Variants in PRKG1 observed in about 807,000 individuals in gnomAD.
The protein encoded by PRKG1 is protein kinase cGMP-dependent 1.
In PRKG1, 35 loss-of-function variants were observed where a neutral mutation model predicts 88.1. The ratio of observed to expected loss-of-function variants is 0.40; its 90% CI spans 0.30 to 0.53. The LOEUF (loss-of-function observed/expected upper bound fraction) is 0.53. PRKG1 is among the 20% of genes least tolerant of loss of function. The probability of loss-of-function intolerance (pLI) is 0.59; values close to 1 mark genes in which losing one functional copy is unlikely to be tolerated. For missense variants in PRKG1, 540 were observed against 839.8 expected (o/e 0.64, Z 4.41); for synonymous variants, 303 against 292.5 (o/e 1.04, Z -0.37).
At chr10:51,436,718 C>G (rs1838942700) in intron 2 of PRKG1, among the ~76,000 whole-genome samples, 1 of 152,098 alleles carries the variant, frequency 6.6e-6, no homozygotes, top group Non-Finnish European at 1.5e-5. Flanking sequence ...ATTTGGCTTG[C>G]TGGAATCTCA....
intron 3 of PRKG1, among the ~76,000 whole-genome samples, chr10:51,502,896 C>T (rs920974776): frequency 6.6e-6 from 1 of 152,130 alleles, no homozygotes; most frequent in Non-Finnish European, 1.5e-5. Flanking sequence ...TATAAATCAG[C>T]TGTAAGGCTA....
intron 3 of PRKG1, among the ~76,000 whole-genome samples, chr10:51,712,999 A>C (rs1357097154): frequency 6.6e-6 from 1 of 152,124 alleles, no homozygotes. Flanking sequence ...TGGATGAGAA[A>C]ACTGAGGCAC....
chr10:51,680,673 A>C (rs547319071), intron 3 of PRKG1, among the ~76,000 whole-genome samples: 7 of 152,356 alleles, frequency 4.6e-5, no homozygotes, highest in African/African-American at 1.7e-4. Flanking sequence ...GTGTTCCTAT[A>C]GTACTATGGT....
At chr10:51,801,693 C>CT (rs1839178089) in intron 3 of PRKG1, among the ~76,000 whole-genome samples, 1 of 152,072 alleles carries the variant, frequency 6.6e-6, no homozygotes, top group Non-Finnish European at 1.5e-5. Context: ...TTTGTGGTCT[C>CT]TTAGTCTAGC....
rs534678229 is a variant in PRKG1 at position 51,529,223 on chromosome 10, G to A, written c.592+61387G>A. On this transcript the variant is annotated intron_variant, in intron 3 of 17. Coordinates refer to ENST00000373980, the MANE Select transcript of PRKG1 (RefSeq NM_006258.4). The stretch of plus-strand genomic sequence containing the variant: ...TCTATCCCAAATCCAGCTACAATTC[G>A]TCACCTCCATGATACCAACCTATTC... Among the ~76,000 whole-genome samples, 32 of 151,852 alleles carry A rather than the reference G, an allele frequency of 2.1e-4. No homozygotes were observed. The South Asian group carries it at 4.6e-3, about 22-fold the overall frequency.
intron 1 of PRKG1, among the ~76,000 whole-genome samples, chr10:51,095,900 T>C (rs192542711): frequency 3.8e-4 from 58 of 152,264 alleles, no homozygotes; most frequent in African/African-American, 1.3e-3. Flanking sequence ...TTGAGGACTT[T>C]TGGCAGGCTA....
intron 2 of PRKG1, among the ~76,000 whole-genome samples, chr10:51,333,944 A>G (rs1252127294): frequency 2.6e-5 from 4 of 152,202 alleles, no homozygotes; most frequent in Non-Finnish European, 4.4e-5. Flanking sequence ...GCTTAAATTC[A>G]TTTTTAACAA....
chr10:51,000,715 G>T (rs140816594), intron 1 of PRKG1, among the ~76,000 whole-genome samples: 1 of 152,084 alleles, frequency 6.6e-6, no homozygotes, highest in Admixed American at 6.6e-5. Flanking sequence ...TGTTGCTGAG[G>T]GTAAGGCTAA....
intron 9 of PRKG1, among the ~76,000 whole-genome samples, chr10:52,243,931 C>T (rs547165850): frequency 2.4e-4 from 37 of 152,126 alleles, no homozygotes; most frequent in African/African-American, 7.7e-4. Flanking sequence ...CTAGAGTGCT[C>T]AAAGAAAAGT....
chr10:51,196,289 A>G (rs1034174508), intron 2 of PRKG1, among the ~76,000 whole-genome samples: 15 of 152,220 alleles, frequency 9.9e-5, no homozygotes, highest in African/African-American at 3.4e-4. Flanking sequence ...GAAGAATTGC[A>G]TGTATTTGAA....
At chr10:51,844,174 G>A (rs539961579) in intron 4 of PRKG1, among the ~76,000 whole-genome samples, 1 of 152,246 alleles carries the variant, frequency 6.6e-6, no homozygotes, top group East Asian at 1.9e-4. Flanking sequence ...AAGATTTTCT[G>A]TCAATGCTGA....
intron 2 of PRKG1, among the ~76,000 whole-genome samples, chr10:51,372,313 C>G (rs1025845255): frequency 6.6e-6 from 1 of 152,054 alleles, no homozygotes; most frequent in Non-Finnish European, 1.5e-5. Context: ...TTCTAAATTT[C>G]CTTTTTAAAT....
At chr10:51,722,245 C>A (rs549363109) in intron 3 of PRKG1, among the ~76,000 whole-genome samples, 271 of 151,316 alleles carry the variant, frequency 1.8e-3, no homozygotes, top group African/African-American at 6.2e-3. Context: ...AAAAAAACAA[C>A]AACATAGTTT....
At chr10:52,071,879 C>A (rs1234516143) in intron 7 of PRKG1, among the ~76,000 whole-genome samples, 1 of 152,154 alleles carries the variant, frequency 6.6e-6, no homozygotes, top group Non-Finnish European at 1.5e-5. Flanking sequence ...TTCAGTTCTT[C>A]CAGTTACAAG....
intron 5 of PRKG1, among the ~76,000 whole-genome samples, chr10:51,981,939 T>G (rs2133110702): frequency 6.6e-6 from 1 of 152,314 alleles, no homozygotes; most frequent in African/African-American, 2.4e-5. Context: ...CCTGTCTCCT[T>G]CAGGGACACC....
At chr10:51,871,652 G>T (rs1841161697) in intron 4 of PRKG1, among the ~76,000 whole-genome samples, 1 of 152,176 alleles carries the variant, frequency 6.6e-6, no homozygotes. Flanking sequence ...CAGCAAAAAG[G>T]TTGCAATATA....
intron 3 of PRKG1, among the ~76,000 whole-genome samples, chr10:51,652,637 ATATT>A (rs1459156238): frequency 1.5e-3 from 229 of 152,322 alleles, no homozygotes; most frequent in African/African-American, 5.2e-3. Flanking sequence ...ATAATTGTAT[ATATT>A]TATAGGATAC....
chr10:52,044,592 T>G (rs1845821998), intron 5 of PRKG1, among the ~76,000 whole-genome samples: 1 of 152,180 alleles, frequency 6.6e-6, no homozygotes, highest in Admixed American at 6.6e-5. Flanking sequence ...TTTGTTGTAG[T>G]AAGGAATACG....
intron 3 of PRKG1, among the ~76,000 whole-genome samples, chr10:51,622,504 G>A (rs766440279): frequency 2.0e-5 from 3 of 152,270 alleles, no homozygotes; most frequent in Middle Eastern, 3.4e-3. Context: ...CAAACTTTCT[G>A]CTTTCTATGA....
Sources: gnomAD v4.1 joint callset for allele counts (sites outside exome capture counted in the v4.1 genomes callset) on GRCh38, gnomAD v4.1.1 for gene constraint, MANE v1.5 for transcripts, NCBI Gene and HGNC (gene_info 2026-07-23, HGNC 2026-07-21) for gene names.